The following DENND2B variants were observed in gnomAD, a reference collection of about 807,000 sequenced individuals.
The protein encoded by DENND2B is DENN domain containing 2B.
DENND2B carries 32 observed loss-of-function variants against 116.0 expected under a neutral mutation model. The ratio of observed to expected loss-of-function variants is 0.28; its 90% CI spans 0.21 to 0.37. The LOEUF (loss-of-function observed/expected upper bound fraction) is 0.37, where lower values mean the gene tolerates loss of function less well. Among genes scored for constraint, DENND2B ranks in the 10% least tolerant of loss-of-function variants. The probability of loss-of-function intolerance (pLI) is 1.00; values close to 1 mark genes in which losing one functional copy is unlikely to be tolerated. For missense variants in DENND2B, 1,276 were observed against 1,477.7 expected, an observed-to-expected ratio of 0.86 and a Z score of 2.24; for synonymous variants, 588 against 583.9, an observed-to-expected ratio of 1.01 and a Z score of -0.10.
At chr11:8,760,650 A>G (rs1484762058) in intron 1 of DENND2B, among the ~76,000 whole-genome samples, 2 of 152,124 alleles carry the variant, frequency 1.3e-5, no homozygotes, top group South Asian at 2.1e-4. Context: ...GAAAAGAAAT[A>G]CCAGGAAGGA....
Position 8,862,844 on chromosome 11 carries a change from A to C in DENND2B, c.-249-5408T>G, listed in dbSNP as rs2063443916. Among the ~76,000 whole-genome samples, 4 of 152,292 alleles carry C rather than the reference A, an allele frequency of 2.6e-5. No homozygotes were observed. The South Asian group carries it at 8.3e-4, about 32-fold the overall frequency. On this transcript the variant is annotated intron_variant, in intron 2 of 6. Transcript: ENST00000524757. ...TCTACCCCAGCCCTCCAGGGACCAG[A>C]AATAGTGACAAATACATGGGAACTA...
chr11:8,727,388 CTCTT>C (rs1322204639), intron 3 of DENND2B, among the ~76,000 whole-genome samples: 41 of 152,334 alleles, frequency 2.7e-4, no homozygotes, highest in African/African-American at 9.4e-4. Context: ...CAACCGAACA[CTCTT>C]TATATTGACA....
chr11:8,845,714 CT>C (rs2062787694), intron 3 of DENND2B, among the ~76,000 whole-genome samples: 1 of 152,160 alleles, frequency 6.6e-6, no homozygotes, highest in Non-Finnish European at 1.5e-5. Flanking sequence ...ACAGATCAGC[CT>C]TTGGAAAGGG....
Position 8,707,248 on chromosome 11 carries a change from A to G in DENND2B, c.2431-23T>C. ...GACCTGTGCCCACCGCCAGCAGCCC[A>G]AAGAGGAAGGGTGTCAGGGCACTGC... is the stretch of plus-strand genomic sequence containing the variant. On this transcript the variant is annotated intron_variant, in intron 12 of 19. Coordinates refer to ENST00000313726, the MANE Select transcript of DENND2B (RefSeq NM_213618.2). This position sits in a 1 kb window ranked among gnomAD's most constrained non-coding sequence, Gnocchi z 4.8. 1 of 1,602,412 alleles carries G rather than the reference A, an allele frequency of 6.2e-7. No individual in the cohort carries two copies. Among genetic ancestry groups the G allele is most frequent in the East Asian group, 2.2e-5 (1 of 44,554 alleles).
At chr11:8,781,341 G>T (rs1011691973) in intron 1 of DENND2B, among the ~76,000 whole-genome samples, 9 of 152,172 alleles carry the variant, frequency 5.9e-5, no homozygotes, top group African/African-American at 2.2e-4. Flanking sequence ...GGAGTTCAGA[G>T]CGAGAGTTGG....
At chr11:8,792,667 A>C (rs541791452) in intron 1 of DENND2B, among the ~76,000 whole-genome samples, 31 of 152,386 alleles carry the variant, frequency 2.0e-4, no homozygotes, top group African/African-American at 6.7e-4. Context: ...CCAGAAAGAT[A>C]AAAAGATGCT....
intron 1 of DENND2B, among the ~76,000 whole-genome samples, chr11:8,900,385 C>T (rs1411462937): frequency 1.0e-4 from 15 of 144,880 alleles, no homozygotes; most frequent in Admixed American, 3.5e-4. Flanking sequence ...TGCCCAAGGT[C>T]GTGCCACTGC....
chr11:8,725,213 C>T (rs901392714), intron 4 of DENND2B, among the ~76,000 whole-genome samples: 12 of 152,060 alleles, frequency 7.9e-5, no homozygotes, highest in African/African-American at 2.7e-4. Flanking sequence ...AGTGCAGGGC[C>T]TTCACCAATT....
intron 18 of DENND2B, chr11:8,695,803 T>G (rs2040251879): frequency 3.8e-6 from 2 of 530,388 alleles, no homozygotes; most frequent in Admixed American, 6.5e-5. Context: ...GTGAGGAGGC[T>G]GCTTCTCAGT....
intron 1 of DENND2B, among the ~76,000 whole-genome samples, chr11:8,765,265 CTCT>C (rs1293021211): frequency 6.6e-6 from 1 of 152,218 alleles, no homozygotes; most frequent in Non-Finnish European, 1.5e-5. Flanking sequence ...CCGAACTTGC[CTCT>C]TCTTCCTCCT....
chr11:8,880,782 C>A (rs2063896531), intron 2 of DENND2B, among the ~76,000 whole-genome samples: 1 of 152,152 alleles, frequency 6.6e-6, no homozygotes, highest in Non-Finnish European at 1.5e-5. Context: ...CCTTTTATTC[C>A]TAGTGATTTC....
chr11:8,905,494 A>G (rs2064224155), intron 1 of DENND2B, among the ~76,000 whole-genome samples: 1 of 152,234 alleles, frequency 6.6e-6, no homozygotes, highest in Non-Finnish European at 1.5e-5. Flanking sequence ...TAGGTTAGGC[A>G]AAGATTTCTT....
Position 8,696,549 on chromosome 11 carries a change from C to T in DENND2B, c.3170G>A (p.Arg1057Gln), listed in dbSNP as rs1415349073. 2 of 1,614,198 alleles carry T rather than the reference C, an allele frequency of 1.2e-6. No homozygotes were observed. Among genetic ancestry groups the T allele is most frequent in the East Asian group, 2.2e-5 (1 of 44,886 alleles). The change falls in exon 18 of 20, where the codon CGA (arginine) becomes CAA (glutamine). Residue 1057 changes from arginine (R) to glutamine (Q), a missense_variant. By Grantham distance (43) the Arg-to-Gln change is conservative. This residue lies in a region of DENND2B where 420 missense variants were observed against 631.1 expected (regional missense o/e 0.67). Transcript: ENST00000313726. ...QSEKGERAFQ[R>Q]EAFRKSVASK... is the part of the protein sequence containing the mutation. ...GGCCACAGATTTGCGGAAGGCCTCT[C>T]GCTGAAAGGCCCTCTCTCCCTTCTC... is the stretch of plus-strand genomic sequence containing the variant.
intron 2 of DENND2B, among the ~76,000 whole-genome samples, chr11:8,733,790 A>C (rs891151199): frequency 1.2e-4 from 19 of 152,178 alleles, no homozygotes; most frequent in Non-Finnish European, 1.9e-4. Context: ...AACTTCCCTT[A>C]GTGGCTCCAG....
chr11:8,820,887 C>T (rs1032421155), intron 4 of DENND2B, among the ~76,000 whole-genome samples: 7 of 152,030 alleles, frequency 4.6e-5, no homozygotes, highest in Non-Finnish European at 8.8e-5. Flanking sequence ...TTTGGGAGGC[C>T]AAGGTAGGTG....
intron 2 of DENND2B, among the ~76,000 whole-genome samples, chr11:8,735,580 C>T (rs1421508565): frequency 6.6e-6 from 1 of 152,276 alleles, no homozygotes; most frequent in Admixed American, 6.5e-5. Context: ...CCCTGGCCTT[C>T]CTTCCCCACT....
intron 1 of DENND2B, among the ~76,000 whole-genome samples, chr11:8,775,560 A>C (rs1218403860): frequency 3.9e-5 from 6 of 152,230 alleles, no homozygotes; most frequent in Middle Eastern, 3.4e-3. Context: ...CTGAGACCCA[A>C]GGACACTGGT....
At chr11:8,792,534 CAA>C (rs1449970570) in intron 1 of DENND2B, among the ~76,000 whole-genome samples, 1 of 152,012 alleles carries the variant, frequency 6.6e-6, no homozygotes. Flanking sequence ...ACACATATGG[CAA>C]AGAGTCCTAA....
At chr11:8,727,972 C>A (rs1178946655) in intron 3 of DENND2B, among the ~76,000 whole-genome samples, 1 of 2,020 alleles carries the variant, frequency 5.0e-4, no homozygotes, top group Non-Finnish European at 3.5e-3. Context: ...CAAACACACA[C>A]ACACACACAC....
Sources: gnomAD v4.1 joint callset for allele counts (sites outside exome capture counted in the v4.1 genomes callset) on GRCh38, gnomAD v4.1.1 for gene constraint, gnomAD v4.1.1 regional missense constraint, Gnocchi (gnomAD v3.1) non-coding constraint, MANE v1.5 for transcripts, NCBI Gene and HGNC (gene_info 2026-07-23, HGNC 2026-07-21) for gene names.